Variants in KIF7 observed in about 807,000 individuals in gnomAD.
The protein encoded by KIF7 is kinesin-like protein KIF7.
A neutral mutation model predicts 135.7 loss-of-function variants in KIF7; 104 were observed. That is an observed-to-expected ratio of 0.77 (90% CI 0.65 to 0.90). KIF7 has a LOEUF of 0.90. KIF7 is among the 40% of genes least tolerant of loss of function. The probability of loss-of-function intolerance (pLI) is 0.00; values close to 1 mark genes in which losing one functional copy is unlikely to be tolerated. For missense variants in KIF7, 2,005 were observed against 1,839.1 expected (o/e 1.09, Z -1.65); for synonymous variants, 883 against 809.4 (o/e 1.09, Z -1.54).
intron 11 of KIF7, among the ~76,000 whole-genome samples, chr15:89,640,106 C>G (rs1183102416): frequency 6.7e-6 from 1 of 148,668 alleles, no homozygotes; most frequent in Non-Finnish European, 1.5e-5. Flanking sequence ...AACACATGGA[C>G]ACAGGAAGGG....
chr15:89,628,180 C>T lies in KIF7; in HGVS notation c.*239G>A, dbSNP rs1476051113. On this transcript the variant is annotated 3_prime_UTR_variant, in exon 19 of 19. Transcript: ENST00000394412. ...CCTGAGATTCGAGCAAGACACAAGG[C>T]GGCAATTGGGTACCACAGCTTCATG... The T allele has an allele frequency of 3.1e-5, 15 of 483,936 alleles. No individual in the cohort carries two copies. The highest frequency in any genetic ancestry group is 8.8e-5 in the South Asian group (2 of 22,624). The allele number at this position is 483,936 out of a possible 1,614,324, so 30.0% of individuals were successfully genotyped here. A position where few individuals can be genotyped will look rare whatever the true frequency, so the allele number is the denominator to read the frequency against.
At chr15:89,642,483 TC>T in intron 10 of KIF7, 78 bp from the exon 11 acceptor site, 1 of 1,325,702 alleles carries the variant, frequency 7.5e-7, no homozygotes, top group East Asian at 2.5e-5. Flanking sequence ...CTGGGAGGTT[TC>T]CCAGCCCTTG....
rs542346998 is a variant in KIF7 at position 89,651,091 on chromosome 15, T to C, written c.329-1150A>G. Reference sequence around the variant, plus strand: ...GGATTATAGACCCCCACCACCATGCTTGGCCAGTTTTTTGTTTGTTTGTTT... The same window carrying C: ...GGATTATAGACCCCCACCACCATGCCTGGCCAGTTTTTTGTTTGTTTGTTT... On this transcript the variant is annotated intron_variant, in intron 2 of 18. Transcript: ENST00000394412. 1.3e-4 allele frequency among the ~76,000 whole-genome samples: 20 copies of C among 151,708 alleles called. No individual in the cohort carries two copies. The South Asian group carries it at 4.0e-3, about 30-fold the overall frequency.
chr15:89,629,964 C>G, intron 16 of KIF7: 1 of 519,474 alleles, frequency 1.9e-6, no homozygotes, highest in Non-Finnish European at 3.5e-6. Flanking sequence ...TCCACCCCCA[C>G]CACTGTGACA....
chr15:89,633,008 T>TAGGGAGCGAGGGAGGG lies in KIF7; in HGVS notation c.2719-13_2719-12insCCCTCCCTCGCTCCCT. 9.2e-7 allele frequency: 1 copy of TAGGGAGCGAGGGAGGG among 1,092,414 alleles called. No homozygotes were observed. The highest frequency in any genetic ancestry group is 1.3e-5 in the South Asian group (1 of 77,760). The allele number at this position is 1,092,414 out of a possible 1,614,324, so 67.7% of individuals were successfully genotyped here. On this transcript the variant is annotated splice_polypyrimidine_tract_variant and intron_variant, in intron 13 of 18. Coordinates refer to ENST00000394412, the MANE Select transcript of KIF7 (RefSeq NM_198525.3). Reference sequence around the variant, plus strand: ...TGCTCCTCAATCTTCTAAGGAAAAGTAGGGAGGGAGGGAGGGAACTCAGGG... The same window carrying TAGGGAGCGAGGGAGGG: ...TGCTCCTCAATCTTCTAAGGAAAAGTAGGGAGCGAGGGAGGGAGGGAGGGAGGGAGGGAACTCAGGG...
chr15:89,621,330 A>T (rs1596058316), intron 1 of KIF7: 2 of 1,525,446 alleles, frequency 1.3e-6, no homozygotes. Flanking sequence ...TGGCTGTTTT[A>T]ATAGTATTGG....
At position 89,630,263 on chromosome 15, in the gene KIF7, G is replaced by T. The variant is rs948136740; in HGVS notation, c.3318+24C>A. ...CACACGTGCCGCTGAGGAGGAGCTGGGGGGCCATGGGCTGCTGGCCCACCT... is the reference window on the plus strand; with the variant it reads ...CACACGTGCCGCTGAGGAGGAGCTGTGGGGCCATGGGCTGCTGGCCCACCT... On this transcript the variant is annotated intron_variant, in intron 16 of 18. Transcript: ENST00000394412. The T allele has an allele frequency of 5.0e-6, 8 of 1,610,536 alleles. 1 individual carries two copies. In the Admixed American group the frequency reaches 1.0e-4, roughly 20 times the overall value.
At chr15:89,618,056 T>G (rs748998099) in exon 2 of KIF7, 100 of 1,240,450 alleles carry the variant, frequency 8.1e-5, no homozygotes, top group Non-Finnish European at 1.1e-4. Flanking sequence ...GACCCTGTGA[T>G]CTTTGTGATC....
intron 15 of KIF7, among the ~76,000 whole-genome samples, chr15:89,631,216 G>A (rs1963667388): frequency 6.6e-6 from 1 of 152,240 alleles, no homozygotes; most frequent in Admixed American, 6.5e-5. Context: ...CGTGTGGGCA[G>A]GTACTCGAAT....
At chr15:89,624,898 G>A, downstream of KIF7, 4 of 1,614,154 alleles carry the variant, frequency 2.5e-6, no homozygotes, top group Non-Finnish European at 3.4e-6. Context: ...CTGTACCACA[G>A]ATGGGAGACA....
intron 1 of KIF7, among the ~76,000 whole-genome samples, chr15:89,653,778 GTA>G (rs1964163063): frequency 1.3e-5 from 2 of 149,240 alleles, no homozygotes; most frequent in Non-Finnish European, 2.9e-5. Flanking sequence ...ATTAGTATTA[GTA>G]TTAGTATTTT....
rs1279991108 is a variant in KIF7, at chr15:89,643,206, G to C, written c.2192-801C>G. Among the ~76,000 whole-genome samples the C allele has an allele frequency of 2.0e-5, 3 of 152,184 alleles. No individual in the cohort carries two copies. The East Asian group carries it at 5.8e-4, about 29-fold the overall frequency. On this transcript the variant is annotated intron_variant, in intron 10 of 18. Transcript: ENST00000394412. ...CCATGGGTTCAACCAACCATGGATGGAAATTATATTTTTCTAAATAAATGG... is the reference window on the plus strand; with the variant it reads ...CCATGGGTTCAACCAACCATGGATGCAAATTATATTTTTCTAAATAAATGG...
chr15:89,627,200 C>T (rs1399281396), downstream of KIF7: 24 of 1,303,434 alleles, frequency 1.8e-5, no homozygotes, highest in Non-Finnish European at 2.6e-5. Context: ...TTCAGATTGC[C>T]ATTAGAATGC....
At position 89,648,734 on chromosome 15, in the gene KIF7, T is replaced by A. The variant is rs1210677295; in HGVS notation, c.964A>T (p.Met322Leu). The A allele has an allele frequency of 6.5e-7, 1 of 1,536,060 alleles. No individual in the cohort carries two copies. Among genetic ancestry groups the A allele is most frequent in the African/African-American group, 1.4e-5 (1 of 73,004 alleles). ...DSLGGNAKTVMIACVSPSSSD... is the reference protein window; with the variant it reads ...DSLGGNAKTVLIACVSPSSSD... ...GAGGAAGGGCTGACGCAGGCGATCA[T>A]CACCGTCTTGGCGTTCCCGCCCAGC... The change falls in exon 5 of 19, where the codon ATG (methionine) becomes TTG (leucine). Residue 322 changes from methionine (M) to leucine (L), a missense_variant. Coordinates refer to ENST00000394412, the MANE Select transcript of KIF7 (RefSeq NM_198525.3).
intron 11 of KIF7, among the ~76,000 whole-genome samples, chr15:89,641,988 G>T (rs1963929612): frequency 1.3e-5 from 2 of 152,118 alleles, no homozygotes; most frequent in Admixed American, 6.6e-5. Context: ...GCTCTCCCAG[G>T]TGGTCTTCAG....
chr15:89,617,404 T>A (rs1457968491), intron 2 of KIF7, among the ~76,000 whole-genome samples: 1 of 152,236 alleles, frequency 6.6e-6, no homozygotes, highest in Non-Finnish European at 1.5e-5. Context: ...ATGTTGCTGC[T>A]CATTACTGTG....
At chr15:89,637,340 T>A (rs1963830057) in intron 11 of KIF7, among the ~76,000 whole-genome samples, 3 of 143,736 alleles carry the variant, frequency 2.1e-5, no homozygotes, top group Admixed American at 7.0e-5. Flanking sequence ...AGAGCAGAAC[T>A]GAAGGAAATA....
At chr15:89,624,991 G>C (rs1963492670), downstream of KIF7, 2 of 1,614,100 alleles carry the variant, frequency 1.2e-6, no homozygotes, top group Non-Finnish European at 1.7e-6. Flanking sequence ...GACCTATGAG[G>C]TTGAGCTGGA....
Position 89,652,927 on chromosome 15 carries a change from C to G in KIF7, c.4G>C (p.Gly2Arg), listed in dbSNP as rs938045073. 1 of 1,515,498 alleles carries G rather than the reference C, an allele frequency of 6.6e-7. No homozygotes were observed. Among genetic ancestry groups the G allele is most frequent in the Admixed American group, 2.0e-5 (1 of 50,044 alleles). The allele number at this position is 1,515,498 out of a possible 1,614,324, so 93.9% of individuals were successfully genotyped here. Residue 2 changes from glycine to arginine, a missense_variant, in exon 2 of 19, where the codon GGG becomes CGG. By Grantham distance (125) the Gly-to-Arg change is moderately radical. Transcript: ENST00000394412. MGLEAQRLPGAE... is the reference protein window; with the variant it reads MRLEAQRLPGAE... ...CCTGGCAGCCTCTGAGCCTCCAGCC[C>G]CATGCCGAGGGAGGACTGCTCTGGG...
Sources: allele counts gnomAD v4.1 joint callset (sites outside exome capture counted in the v4.1 genomes callset), GRCh38; gene constraint gnomAD v4.1.1; transcripts MANE v1.5; gene names NCBI Gene and HGNC (gene_info 2026-07-23, HGNC 2026-07-21).